GSDME: variants seen among roughly 807,000 people sequenced by gnomAD.
GSDME encodes gasdermin-E.
A neutral mutation model predicts 47.5 loss-of-function variants in GSDME; 44 were observed. The ratio of observed to expected loss-of-function variants is 0.93; its 90% CI spans 0.73 to 1.19. GSDME has a LOEUF of 1.19. Among genes scored for constraint, GSDME ranks in the 50% most tolerant of loss-of-function variants. The pLI, the probability that GSDME is intolerant of heterozygous loss-of-function variation, is 0.00. For synonymous variants in GSDME, 258 were observed against 252.8 expected, an observed-to-expected ratio of 1.02 and a Z score of -0.20; for missense variants, 663 against 604.2, an observed-to-expected ratio of 1.10 and a Z score of -1.02.
chr7:24,702,520 C>T (rs1357362985), intron 9 of GSDME: 1 of 442,022 alleles, frequency 2.3e-6, no homozygotes, highest in Non-Finnish European at 4.3e-6. Context: ...AGTCGAAAGA[C>T]AAGGATGAAG....
chr7:24,777,404 C>T, the GSDME span, among the ~76,000 whole-genome samples: 2 of 152,154 alleles, frequency 1.3e-5, no homozygotes, highest in African/African-American at 4.8e-5. Flanking sequence ...GTTTTGGAAT[C>T]GAACCACTGG....
At chr7:24,702,358 C>T (rs906534944) in intron 9 of GSDME, 24 of 349,290 alleles carry the variant, frequency 6.9e-5, no homozygotes, top group Non-Finnish European at 1.3e-4. Flanking sequence ...TCCTGGATAC[C>T]TCCCTGGCAA....
the GSDME span, among the ~76,000 whole-genome samples, chr7:24,783,862 A>G: frequency 3.9e-5 from 6 of 152,054 alleles, no homozygotes; most frequent in Admixed American, 3.9e-4. Flanking sequence ...GAGACAGAGA[A>G]GAGAGGAATG....
At chr7:24,762,685 T>C (rs1791185342), upstream of GSDME, among the ~76,000 whole-genome samples, 1 of 152,112 alleles carries the variant, frequency 6.6e-6, no homozygotes, top group South Asian at 2.1e-4. Context: ...GGCAGACAGA[T>C]AAACAATAAG....
At chr7:24,785,875 T>C in the GSDME span, among the ~76,000 whole-genome samples, 2 of 152,240 alleles carry the variant, frequency 1.3e-5, no homozygotes, top group Non-Finnish European at 2.9e-5. Context: ...CTATCTGCAA[T>C]CTATTGATTC....
chr7:24,727,183 C>A (rs900825858), intron 3 of GSDME, among the ~76,000 whole-genome samples: 9 of 152,178 alleles, frequency 5.9e-5, no homozygotes, highest in African/African-American at 2.2e-4. Context: ...TGTCTCTGCT[C>A]ATTAGTGAAG....
rs144907090 is a variant in GSDME at position 24,710,270 on chromosome 7, C to G, written c.816G>C (p.Ala272=). 9 of 1,614,072 alleles carry G rather than the reference C, an allele frequency of 5.6e-6. No individual in the cohort carries two copies. Among genetic ancestry groups the G allele is most frequent in the Non-Finnish European group, 6.8e-6 (8 of 1,180,044 alleles). Residue 272 remains alanine (A), a synonymous_variant, in exon 6 of 10, where the codon GCG becomes GCC. Coordinates refer to ENST00000645220, the MANE Select transcript of GSDME (RefSeq NM_001127453.2). The part of the protein sequence containing the change: ...EFAFIDMPDA[A]HGISSQDGPL... ...GTCCATCCTGGGAAGATATCCCATG[C>G]GCAGCATCTGGCATGTCTATGAATG... is the stretch of plus-strand genomic sequence containing the variant.
intron 1 of GSDME, among the ~76,000 whole-genome samples, chr7:24,755,870 T>C (rs937878915): frequency 6.6e-6 from 1 of 152,240 alleles, no homozygotes; most frequent in East Asian, 1.9e-4. Context: ...TTCCTTTCTA[T>C]CTGGGGAGAC....
At chr7:24,710,410 C>T (rs772109626) in intron 5 of GSDME, 22 bp from the exon 6 acceptor site, 11 of 1,613,882 alleles carry the variant, frequency 6.8e-6, no homozygotes, top group Middle Eastern at 1.6e-4. Flanking sequence ...GAGAAAAGGA[C>T]AAGTTAGGTA....
At chr7:24,794,277 TTTC>T in the GSDME span, among the ~76,000 whole-genome samples, 1 of 133,824 alleles carries the variant, frequency 7.5e-6, no homozygotes, top group Non-Finnish European at 1.6e-5. Flanking sequence ...TCTCTCTCTC[TTTC>T]CTCTCTCTCT....
At chr7:24,722,842 C>T (rs915940726) in intron 3 of GSDME, among the ~76,000 whole-genome samples, 1 of 152,240 alleles carries the variant, frequency 6.6e-6, no homozygotes, top group Non-Finnish European at 1.5e-5. Flanking sequence ...CTGCTGTATC[C>T]GATGACAGGG....
At chr7:24,723,358 G>A (rs1584076658) in intron 3 of GSDME, among the ~76,000 whole-genome samples, 1 of 152,164 alleles carries the variant, frequency 6.6e-6, no homozygotes, top group East Asian at 1.9e-4. Flanking sequence ...GGTGTTCTCA[G>A]GTGCAGACCC....
At chr7:24,794,725 T>C in the GSDME span, among the ~76,000 whole-genome samples, 9 of 152,244 alleles carry the variant, frequency 5.9e-5, no homozygotes, top group South Asian at 1.9e-3. Flanking sequence ...TTTAACATAG[T>C]TCCTAATGGG....
chr7:24,765,592 C>T, the GSDME span, among the ~76,000 whole-genome samples: 1 of 152,216 alleles, frequency 6.6e-6, no homozygotes, highest in African/African-American at 2.4e-5. Context: ...ACGTCACTGC[C>T]CTTTTTCTGT....
intron 8 of GSDME, chr7:24,704,658 C>T (rs1245850046): frequency 6.6e-6 from 1 of 152,046 alleles, no homozygotes; most frequent in Non-Finnish European, 1.5e-5. Flanking sequence ...AATTCAGAAA[C>T]AGCAAGTCAG....
chr7:24,747,670 ATTTT>A (rs144659269), intron 2 of GSDME, among the ~76,000 whole-genome samples: 1 of 150,318 alleles, frequency 6.7e-6, no homozygotes, highest in Non-Finnish European at 1.5e-5. Context: ...CTTATTAATC[ATTTT>A]TTTTTTCTTA....
chr7:24,769,106 T>G, the GSDME span, among the ~76,000 whole-genome samples: 1 of 152,138 alleles, frequency 6.6e-6, no homozygotes, highest in African/African-American at 2.4e-5. Context: ...CTGAACAAAC[T>G]CAAAGTCAAC....
At position 24,732,500 on chromosome 7, in the gene GSDME, T is replaced by G. The variant is rs1790177417; in HGVS notation, c.404+12062A>C. ...AGGTGAGCAATCACAGTACCTGGTT[T>G]TGACTTCATTTTGCTGAAAGAGGCA... On this transcript the variant is annotated intron_variant, in intron 3 of 9. Coordinates refer to ENST00000645220, the MANE Select transcript of GSDME (RefSeq NM_001127453.2). The surrounding 1 kb of genome is among the most constrained non-coding windows in gnomAD (Gnocchi z 4.8). Among the ~76,000 whole-genome samples, 1 of 152,210 alleles carries G rather than the reference T, an allele frequency of 6.6e-6. No homozygotes were observed. The highest frequency in any genetic ancestry group is 2.4e-5 in the African/African-American group (1 of 41,442).
intron 5 of GSDME, chr7:24,715,412 T>G (rs1789513406): frequency 4.3e-6 from 2 of 468,750 alleles, no homozygotes; most frequent in African/African-American, 4.0e-5. Context: ...GACTCAGTAG[T>G]TATCCCGTCA....
Sources: gnomAD v4.1 joint callset for allele counts (sites outside exome capture counted in the v4.1 genomes callset) on GRCh38, gnomAD v4.1.1 for gene constraint, Gnocchi (gnomAD v3.1) non-coding constraint, MANE v1.5 for transcripts, NCBI Gene and HGNC (gene_info 2026-07-23, HGNC 2026-07-21) for gene names.